IQUB: variants seen among roughly 807,000 people sequenced by gnomAD.
IQUB encodes the protein IQ motif and ubiquitin-like domain-containing protein.
In IQUB, 86 loss-of-function variants were observed where a neutral mutation model predicts 86.4. The observed-to-expected ratio is 1.00, with a 90% CI of 0.84 to 1.19. The LOEUF (loss-of-function observed/expected upper bound fraction) is 1.19, where lower values mean the gene tolerates loss of function less well. Ranked by LOEUF, IQUB falls within the 50% of genes most tolerant of loss-of-function variation. The probability of loss-of-function intolerance (pLI) is 0.00; values close to 1 mark genes in which losing one functional copy is unlikely to be tolerated. For missense variants in IQUB, 946 were observed against 916.9 expected (o/e 1.03, Z -0.41); for synonymous variants, 289 against 304.5 (o/e 0.95, Z 0.53).
At chr7:123,501,881 T>C (rs1369692071) in intron 6 of IQUB, 1 of 152,170 alleles carries the variant, frequency 6.6e-6, no homozygotes, top group East Asian at 1.9e-4. Context: ...GAAATTTAGT[T>C]TGGACTGAAA....
rs1793764131 is a variant in IQUB at position 123,457,569 on chromosome 7, G to GC, written c.2008-4dup. 2 of 1,591,374 alleles carry GC rather than the reference G, an allele frequency of 1.3e-6. No homozygotes were observed. Among genetic ancestry groups the GC allele is most frequent in the Admixed American group, 1.8e-5 (1 of 54,416 alleles). On this transcript the variant is annotated splice_polypyrimidine_tract_variant and splice_region_variant and intron_variant, in intron 11 of 12. Transcript: ENST00000324698. ...GTCAGGTACTGAATGTCTTGTAGCT[G>GC]CATGTCAAAGCAAGTTTTAAAAACA...
chr7:123,495,054 C>T (rs903449325), intron 7 of IQUB, among the ~76,000 whole-genome samples: 2 of 152,070 alleles, frequency 1.3e-5, no homozygotes, highest in African/African-American at 4.8e-5. Context: ...ACCTGGCTAA[C>T]GATGTTCTCT....
intron 3 of IQUB, among the ~76,000 whole-genome samples, chr7:123,508,708 G>A (rs1584626783): frequency 6.6e-6 from 1 of 152,178 alleles, no homozygotes; most frequent in Non-Finnish European, 1.5e-5. Context: ...TATAGTTAAT[G>A]TGCAGCAGTT....
chr7:123,464,368 T>C, intron 10 of IQUB, among the ~76,000 whole-genome samples: 1 of 151,858 alleles, frequency 6.6e-6, no homozygotes, highest in East Asian at 1.9e-4. Context: ...TTGTGATAAG[T>C]GTTATAAGGA....
rs10243987 is a variant in IQUB at position 123,469,188 on chromosome 7, C to T, written c.1581+26G>A. 6.2e-3 allele frequency: 8,834 copies of T among 1,428,508 alleles called. 464 individuals are homozygous for T. The African/African-American group carries it at 0.11, about 18-fold the overall frequency. The allele number at this position is 1,428,508 out of a possible 1,614,324, so 88.5% of individuals were successfully genotyped here. On this transcript the variant is annotated intron_variant, in intron 9 of 12. Coordinates refer to ENST00000324698, the MANE Select transcript of IQUB (RefSeq NM_178827.5). ...TTTTTTATTGACAGTGAACTCTACC[C>T]CCAAACTAAGAGAAAGTTAACATAC... is the stretch of plus-strand genomic sequence containing the variant.
chr7:123,477,273 G>C (rs1794788088), intron 8 of IQUB, among the ~76,000 whole-genome samples: 1 of 152,138 alleles, frequency 6.6e-6, no homozygotes. Flanking sequence ...AGAGGCCTCA[G>C]AAATAACACG....
intron 12 of IQUB, among the ~76,000 whole-genome samples, chr7:123,454,528 A>T (rs755031766): frequency 7.2e-5 from 11 of 152,142 alleles, no homozygotes; most frequent in Non-Finnish European, 1.2e-4. Context: ...CCTAAGAAAT[A>T]GTAGTTATCA....
intron 8 of IQUB, among the ~76,000 whole-genome samples, chr7:123,472,613 C>A (rs1794580961): frequency 6.6e-6 from 1 of 152,084 alleles, no homozygotes; most frequent in Non-Finnish European, 1.5e-5. Flanking sequence ...TTAAAGGGAA[C>A]CGAGTGATAC....
At chr7:123,505,252 C>A (rs1391756269) in intron 3 of IQUB, among the ~76,000 whole-genome samples, 1 of 152,182 alleles carries the variant, frequency 6.6e-6, no homozygotes, top group Non-Finnish European at 1.5e-5. Context: ...TGCGGCTTTG[C>A]CAGGTGCACA....
rs371601394 is a variant in IQUB at position 123,457,471 on chromosome 7, C to T, written c.2103G>A (p.Trp701Ter). Residue 701 changes from tryptophan to a stop codon, truncating the protein, a stop_gained, in exon 12 of 13, where the codon TGG becomes TGA. Transcript: ENST00000324698. LOFTEE classifies it high-confidence loss of function. ...AGGGGGACCACTCCAGGGATTTATT[C>T]CATCTGACCATGACCAGATCACTGA... ...DNLSDLVMVRWNKSLEWSPWN... is the reference protein window; with the variant it reads ...DNLSDLVMVR 1.9e-6 allele frequency: 3 copies of T among 1,611,332 alleles called. No individual in the cohort carries two copies. The highest frequency in any genetic ancestry group is 2.7e-5 in the African/African-American group (2 of 74,648).
At chr7:123,463,215 T>C (rs915205603) in intron 10 of IQUB, among the ~76,000 whole-genome samples, 3 of 151,786 alleles carry the variant, frequency 2.0e-5, no homozygotes, top group East Asian at 3.9e-4. Context: ...GCAGTCAGTT[T>C]GGAAAAAAAT....
chr7:123,529,442 G>A (rs1797413571), intron 1 of IQUB, among the ~76,000 whole-genome samples: 1 of 149,366 alleles, frequency 6.7e-6, no homozygotes, highest in Non-Finnish European at 1.5e-5. Context: ...GTAGTCAACT[G>A]TTGTTCATTG....
At chr7:123,462,175 G>A (rs1046961459) in intron 10 of IQUB, among the ~76,000 whole-genome samples, 7 of 151,800 alleles carry the variant, frequency 4.6e-5, no homozygotes, top group Non-Finnish European at 8.9e-5. Flanking sequence ...ATGAATGAGT[G>A]AATTGTGAAC....
chr7:123,501,920 T>C (rs1795963754), intron 6 of IQUB: 1 of 152,218 alleles, frequency 6.6e-6, no homozygotes, highest in Admixed American at 6.5e-5. Flanking sequence ...CTGGAATAAC[T>C]GGCACTGATA....
chr7:123,497,483 G>A (rs1795754437), intron 6 of IQUB, among the ~76,000 whole-genome samples: 1 of 151,970 alleles, frequency 6.6e-6, no homozygotes. Context: ...GGAGACTGAA[G>A]CAAACAAATA....
At chr7:123,506,686 A>C (rs1298121416) in intron 3 of IQUB, among the ~76,000 whole-genome samples, 1 of 152,172 alleles carries the variant, frequency 6.6e-6, no homozygotes, top group Non-Finnish European at 1.5e-5. Context: ...CCCCTCCTCC[A>C]ACACTGGGGA....
intron 7 of IQUB, among the ~76,000 whole-genome samples, chr7:123,489,209 A>T (rs866260584): frequency 2.0e-5 from 3 of 152,176 alleles, no homozygotes; most frequent in African/African-American, 7.2e-5. Context: ...GTTGCTATAT[A>T]TATGTCTGCA....
intron 10 of IQUB, chr7:123,462,911 A>AAAC: frequency 2.2e-6 from 1 of 444,578 alleles, no homozygotes; most frequent in Non-Finnish European, 4.5e-6. Context: ...CTACAGAATT[A>AAAC]AACTCTACAA....
intron 7 of IQUB, among the ~76,000 whole-genome samples, chr7:123,481,240 AC>A (rs1259026163): frequency 1.8e-4 from 28 of 151,706 alleles, no homozygotes; most frequent in African/African-American, 6.5e-4. Context: ...GGGAGCCATC[AC>A]CCCCCACTTA....
Sources: allele counts gnomAD v4.1 joint callset (sites outside exome capture counted in the v4.1 genomes callset), GRCh38; gene constraint gnomAD v4.1.1; transcripts MANE v1.5; gene names NCBI Gene and HGNC (gene_info 2026-07-23, HGNC 2026-07-21).